The following SPIRE2 variants were observed in gnomAD, a reference collection of about 807,000 sequenced individuals.
SPIRE2 encodes the protein spire type actin nucleation factor 2.
In SPIRE2, 76 loss-of-function variants were observed where a neutral mutation model predicts 80.7. The ratio of observed to expected loss-of-function variants is 0.94; its 90% CI spans 0.78 to 1.14. SPIRE2 has a LOEUF of 1.14. Ranked by LOEUF, SPIRE2 falls within the 50% of genes most tolerant of loss-of-function variation. The pLI is 0.00. For synonymous variants in SPIRE2, 535 were observed against 432.6 expected (o/e 1.24, Z -2.94); for missense variants, 1,196 against 1,015.3 (o/e 1.18, Z -2.42).
chr16:89,848,441 C>T (rs549783153), intron 2 of SPIRE2, among the ~76,000 whole-genome samples: 2 of 151,302 alleles, frequency 1.3e-5, no homozygotes, highest in Admixed American at 6.6e-5. Context: ...CCTTCTGTGG[C>T]GTTTCTGCAG....
chr16:89,836,608 C>G (rs1328486909), intron 1 of SPIRE2, among the ~76,000 whole-genome samples: 1 of 152,248 alleles, frequency 6.6e-6, no homozygotes. Context: ...CAGTGAAATG[C>G]AAGAATCCGG....
At chr16:89,868,367 T>C in intron 13 of SPIRE2, 151 bp downstream of exon 13, 1 of 889,266 alleles carries the variant, frequency 1.1e-6, no homozygotes, top group Non-Finnish European at 1.8e-6. Flanking sequence ...CAAGATAGTG[T>C]GCAGTTTTTA....
At chr16:89,832,279 G>A (rs894513242) in intron 1 of SPIRE2, among the ~76,000 whole-genome samples, 1 of 152,196 alleles carries the variant, frequency 6.6e-6, no homozygotes, top group Non-Finnish European at 1.5e-5. Flanking sequence ...TGCCTGTTCT[G>A]CCGCTGGATC....
At position 89,829,797 on chromosome 16, in the gene SPIRE2, C is replaced by T. The variant is rs2041361951; in HGVS notation, c.244+1003C>T. ...CAAGAGCAGGCCCTGAGGTTTTACTCCCTCTGGAGAAACCTGAGGCGCAGG... is the reference window on the plus strand; with the variant it reads ...CAAGAGCAGGCCCTGAGGTTTTACTTCCTCTGGAGAAACCTGAGGCGCAGG... On this transcript the variant is annotated intron_variant, in intron 1 of 14. Transcript: ENST00000378247. Among the ~76,000 whole-genome samples the T allele has an allele frequency of 1.3e-5, 2 of 151,454 alleles. 1 individual carries two copies. The highest frequency in any genetic ancestry group is 3.0e-5 in the Non-Finnish European group (2 of 67,516).
Position 89,839,795 on chromosome 16 carries a change from C to G in SPIRE2, c.245-5527C>G, listed in dbSNP as rs2041486621. Reference sequence around the variant, plus strand: ...TCCCATGCAGAGAGCATGGGCTCCCCCAGAGCCATCCCTGTCCTGACCCCA... The same window carrying G: ...TCCCATGCAGAGAGCATGGGCTCCCGCAGAGCCATCCCTGTCCTGACCCCA... On this transcript the variant is annotated intron_variant, in intron 1 of 14. Coordinates refer to ENST00000378247, the MANE Select transcript of SPIRE2 (RefSeq NM_032451.2). Among the ~76,000 whole-genome samples the G allele has an allele frequency of 6.6e-6, 1 of 152,228 alleles. No homozygotes were observed. Among genetic ancestry groups the G allele is most frequent in the African/African-American group, 2.4e-5 (1 of 41,468 alleles).
chr16:89,843,694 TTTTG>T (rs1255582369), intron 1 of SPIRE2, among the ~76,000 whole-genome samples: 1,458 of 71,630 alleles, frequency 0.02, 246 homozygotes, highest in Non-Finnish European at 0.026. Context: ...TGTTTTTGTT[TTTTG>T]TTTTTTTTTT....
At chr16:89,830,175 AG>A (rs1287457372) in intron 1 of SPIRE2, among the ~76,000 whole-genome samples, 1 of 151,038 alleles carries the variant, frequency 6.6e-6, no homozygotes, top group Non-Finnish European at 1.5e-5. Context: ...GTGCTGTGCA[AG>A]GCGTCCTCAG....
At chr16:89,835,081 C>G (rs528599497) in intron 1 of SPIRE2, among the ~76,000 whole-genome samples, 2 of 148,846 alleles carry the variant, frequency 1.3e-5, no homozygotes, top group African/African-American at 5.0e-5. Flanking sequence ...TGCCCGCACT[C>G]GCAGTTGGCC....
intron 2 of SPIRE2, 192 bp from the exon 3 acceptor site, chr16:89,850,112 A>T (rs1288230003): frequency 1.4e-6 from 1 of 700,944 alleles, no homozygotes; most frequent in Non-Finnish European, 2.6e-6. Flanking sequence ...CTGGGATTAC[A>T]GGTGTGGGCC....
Position 89,828,521 on chromosome 16 carries a change from CGG to C in SPIRE2, c.-29_-28del. The C allele has an allele frequency of 9.6e-7, 1 of 1,037,748 alleles. No individual in the cohort carries two copies. The highest frequency in any genetic ancestry group is 1.2e-6 in the Non-Finnish European group (1 of 866,044). 64.3% of individuals were successfully genotyped at this position (1,037,748 alleles called of 1,614,324 possible). A position where few individuals can be genotyped will look rare whatever the true frequency, so the allele number is the denominator to read the frequency against. ...AGGCGCGGCTGCATGGACGCGGGTC[CGG>C]CGCGCGGGAGGCGATGACGGCCCCG... On this transcript the variant is annotated 5_prime_UTR_variant, in exon 1 of 15. It removes the in-frame stop codon of an upstream open reading frame in the 5' UTR. Coordinates refer to ENST00000378247, the MANE Select transcript of SPIRE2 (RefSeq NM_032451.2). The surrounding 1 kb of genome is among the most constrained non-coding windows in gnomAD (Gnocchi z 5.9).
intron 2 of SPIRE2, among the ~76,000 whole-genome samples, chr16:89,848,361 G>T (rs2041584302): frequency 6.6e-6 from 1 of 152,242 alleles, no homozygotes; most frequent in African/African-American, 2.4e-5. Context: ...ATAACAGTGA[G>T]CCCCCAAGGT....
rs770667692 is a variant in SPIRE2 at position 89,860,734 on chromosome 16, G to A, written c.1514G>A (p.Arg505Gln). 15 of 1,586,312 alleles carry A rather than the reference G, an allele frequency of 9.5e-6. No individual in the cohort carries two copies. Among genetic ancestry groups the A allele is most frequent in the Admixed American group, 3.5e-5 (2 of 56,558 alleles). The change falls in exon 10 of 15, where the codon CGG becomes CAG. Residue 505 changes from arginine to glutamine, a missense_variant. Arg to Gln is a conservative substitution (Grantham distance 43). Transcript: ENST00000378247. ...CCCAGCCACCCCCTACTCAGCAACC[G>A]GGGCTCCTCGGGGGACAGACCCGAG... The part of the protein sequence containing the change: ...SDPSHPLLSN[R>Q]GSSGDRPEAS...
intron 6 of SPIRE2, 125 bp downstream of exon 6, chr16:89,855,811 G>A (rs564053333): frequency 7.8e-5 from 80 of 1,020,174 alleles, no homozygotes; most frequent in African/African-American, 2.7e-4. Context: ...GTGCGTCTGC[G>A]TCACGGGTGA....
rs1301960157 is a variant in SPIRE2 at position 89,828,807 on chromosome 16, G to C, written c.244+13G>C. ...CCCGAGGCCGCGGGTGAGGCCGGGG[G>C]CGGGGCAGCCGGCGGGGACCGCGGT... On this transcript the variant is annotated intron_variant, in intron 1 of 14. Coordinates refer to ENST00000378247, the MANE Select transcript of SPIRE2 (RefSeq NM_032451.2). The surrounding 1 kb of genome is among the most constrained non-coding windows in gnomAD (Gnocchi z 5.9). 1 of 1,177,868 alleles carries C rather than the reference G, an allele frequency of 8.5e-7. No individual in the cohort carries two copies. Among genetic ancestry groups the C allele is most frequent in the Admixed American group, 4.6e-5 (1 of 21,854 alleles). 73.0% of individuals were successfully genotyped at this position (1,177,868 alleles called of 1,614,324 possible).
At chr16:89,845,079 A>C (rs2041545183) in intron 1 of SPIRE2, among the ~76,000 whole-genome samples, 1 of 152,120 alleles carries the variant, frequency 6.6e-6, no homozygotes, top group African/African-American at 2.4e-5. Flanking sequence ...ATCCTTCTGC[A>C]AGTAGGGGTT....
Position 89,828,889 on chromosome 16 carries a change from C to T in SPIRE2, c.244+95C>T. The T allele has an allele frequency of 2.9e-6, 3 of 1,018,392 alleles. No homozygotes were observed. The highest frequency in any genetic ancestry group is 3.7e-6 in the Non-Finnish European group (3 of 817,910). The allele number at this position is 1,018,392 out of a possible 1,614,324, so 63.1% of individuals were successfully genotyped here. ...GTGGTCCCGGCGGAGAGGCTGCGACCGGTTCTGGAGCGGGAGATCCCCTTC... is the reference window on the plus strand; with the variant it reads ...GTGGTCCCGGCGGAGAGGCTGCGACTGGTTCTGGAGCGGGAGATCCCCTTC... On this transcript the variant is annotated intron_variant, in intron 1 of 14. Coordinates refer to ENST00000378247, the MANE Select transcript of SPIRE2 (RefSeq NM_032451.2). The surrounding 1 kb of genome is among the most constrained non-coding windows in gnomAD (Gnocchi z 5.9).
intron 1 of SPIRE2, among the ~76,000 whole-genome samples, chr16:89,839,012 G>A (rs1242050963): frequency 6.6e-6 from 1 of 151,312 alleles, no homozygotes; most frequent in African/African-American, 2.4e-5. Flanking sequence ...TTACAGACGT[G>A]TCTCAAGTGG....
chr16:89,851,070 G>A (rs1305783162), intron 3 of SPIRE2, among the ~76,000 whole-genome samples: 2 of 151,924 alleles, frequency 1.3e-5, no homozygotes, highest in Non-Finnish European at 2.9e-5. Flanking sequence ...ATCCATCTGC[G>A]TCGGCCTCCC....
At position 89,863,521 on chromosome 16, in the gene SPIRE2, G is replaced by C; in HGVS notation, c.1621G>C (p.Val541Leu). ...VESLALTVEE[V>L]MDVRRVLVKA... is the part of the protein sequence containing the mutation. ...GAGCCTGGCGCTGACTGTGGAAGAG[G>C]TGATGGACGTGCGCCGTGTGCTGGT... is the stretch of plus-strand genomic sequence containing the variant. The change falls in exon 11 of 15, where the codon GTG (valine) becomes CTG (leucine). Residue 541 changes from valine to leucine, a missense_variant. Coordinates refer to ENST00000378247, the MANE Select transcript of SPIRE2 (RefSeq NM_032451.2). This position sits in a 1 kb window ranked among gnomAD's most constrained non-coding sequence, Gnocchi z 4.3. The C allele has an allele frequency of 6.2e-7, 1 of 1,614,100 alleles. No homozygotes were observed. Among genetic ancestry groups the C allele is most frequent in the Middle Eastern group, 1.7e-4 (1 of 6,060 alleles).
Sources: gnomAD v4.1 joint callset for allele counts (sites outside exome capture counted in the v4.1 genomes callset) on GRCh38, gnomAD v4.1.1 for gene constraint, Gnocchi (gnomAD v3.1) non-coding constraint, MANE v1.5 for transcripts, NCBI Gene and HGNC (gene_info 2026-07-23, HGNC 2026-07-21) for gene names.